Variants in POU2F1 observed in about 807,000 individuals in gnomAD.
POU2F1 encodes POU class 2 homeobox 1.
POU2F1 carries 16 observed loss-of-function variants against 84.9 expected under a neutral mutation model. The ratio of observed to expected loss-of-function variants is 0.19; its 90% CI spans 0.13 to 0.29. The LOEUF (loss-of-function observed/expected upper bound fraction) is 0.29. POU2F1 is among the 10% of genes least tolerant of loss of function. The pLI, the probability that POU2F1 is intolerant of heterozygous loss-of-function variation, is 1.00. For synonymous variants in POU2F1, 368 were observed against 368.3 expected (o/e 1.00, Z 0.01); for missense variants, 738 against 942.6 (o/e 0.78, Z 2.84).
chr1:167,284,264 A>G (rs1356889474), intron 1 of POU2F1, among the ~76,000 whole-genome samples: 1 of 152,212 alleles, frequency 6.6e-6, no homozygotes, highest in African/African-American at 2.4e-5. Flanking sequence ...GACCATAAAG[A>G]GTATTTACAC....
chr1:167,415,745 C>G lies in POU2F1; in HGVS notation c.2236C>G (p.Leu746Val), dbSNP rs756997483. Residue 746 changes from leucine (L) to valine (V), a missense_variant, in exon 16 of 16, where the codon CTC (leucine) becomes GTC (valine). Around this residue, in one of 4 missense-constraint regions of POU2F1, gnomAD observed 319 missense variants for 386.0 expected, o/e 0.83. Coordinates refer to ENST00000367866, the MANE Select transcript of POU2F1 (RefSeq NM_002697.4). ...CTCTGCTGAGTCCATCCAGAACTCT[C>G]TCTTCACAGTGGCCTCTGCCAGCGG... ...STSAESIQNSLFTVASASGAA... is the reference protein window; with the variant it reads ...STSAESIQNSVFTVASASGAA... The G allele has an allele frequency of 1.9e-6, 3 of 1,614,194 alleles. No homozygotes were observed. The highest frequency in any genetic ancestry group is 1.1e-5 in the South Asian group (1 of 91,090).
chr1:167,329,680 A>G (rs1656950572), intron 1 of POU2F1, among the ~76,000 whole-genome samples: 1 of 152,166 alleles, frequency 6.6e-6, no homozygotes, highest in African/African-American at 2.4e-5. Context: ...ATTAATAAAA[A>G]TGTTTTTCAT....
At chr1:167,378,259 G>A (rs1175229594) in intron 7 of POU2F1, among the ~76,000 whole-genome samples, 1 of 152,136 alleles carries the variant, frequency 6.6e-6, no homozygotes, top group Non-Finnish European at 1.5e-5. Context: ...TTAAGAGATG[G>A]AGTTTCACTC....
chr1:167,277,612 C>A (rs952566103), intron 1 of POU2F1, among the ~76,000 whole-genome samples: 2 of 152,122 alleles, frequency 1.3e-5, no homozygotes, highest in African/African-American at 2.4e-5. Flanking sequence ...ACCCCAGCCA[C>A]CTTTGTTGTC....
intron 1 of POU2F1, among the ~76,000 whole-genome samples, chr1:167,241,034 C>T (rs558952816): frequency 2.4e-4 from 36 of 152,104 alleles, no homozygotes; most frequent in Admixed American, 7.9e-4. Flanking sequence ...CCCAGCTACT[C>T]GGGAGGCTGA....
At chr1:167,238,543 A>T (rs1257924943) in intron 1 of POU2F1, among the ~76,000 whole-genome samples, 2 of 152,226 alleles carry the variant, frequency 1.3e-5, no homozygotes, top group African/African-American at 4.8e-5. Flanking sequence ...AACAAATTTC[A>T]GAATGCCCCT....
intron 1 of POU2F1, among the ~76,000 whole-genome samples, chr1:167,256,183 T>C (rs533334151): frequency 2.6e-5 from 4 of 152,226 alleles, no homozygotes; most frequent in South Asian, 4.1e-4. Context: ...CTACAACTTA[T>C]CTGGCCATCA....
chr1:167,271,612 A>C (rs763709161), intron 1 of POU2F1, among the ~76,000 whole-genome samples: 1 of 152,182 alleles, frequency 6.6e-6, no homozygotes, highest in Non-Finnish European at 1.5e-5. Flanking sequence ...AAAACATTCA[A>C]GCTGTGCCCT....
intron 2 of POU2F1, among the ~76,000 whole-genome samples, chr1:167,336,030 T>A (rs998970880): frequency 7.9e-5 from 12 of 152,150 alleles, no homozygotes; most frequent in African/African-American, 2.9e-4. Flanking sequence ...TGAAAAAAAT[T>A]AAAAGATATG....
chr1:167,333,479 A>G (rs1030876583), intron 2 of POU2F1, among the ~76,000 whole-genome samples: 12 of 152,144 alleles, frequency 7.9e-5, no homozygotes, highest in Non-Finnish European at 1.5e-4. Flanking sequence ...ATGCTTAACC[A>G]TGGGCAATGG....
chr1:167,377,154 T>A (rs773857348), intron 7 of POU2F1, among the ~76,000 whole-genome samples: 5 of 152,188 alleles, frequency 3.3e-5, no homozygotes, highest in Non-Finnish European at 5.9e-5. Context: ...GCAGAATAAG[T>A]TTGCATATGC....
chr1:167,325,612 C>T (rs531088732), intron 1 of POU2F1, among the ~76,000 whole-genome samples: 2 of 152,188 alleles, frequency 1.3e-5, no homozygotes, highest in African/African-American at 4.8e-5. Context: ...GTAGTGTCGG[C>T]TGGGCATGGT....
intron 1 of POU2F1, among the ~76,000 whole-genome samples, chr1:167,261,662 A>G (rs931400030): frequency 4.6e-5 from 7 of 152,154 alleles, no homozygotes; most frequent in Non-Finnish European, 8.8e-5. Flanking sequence ...GGAAATTCAT[A>G]TTCAATTTAG....
intron 4 of POU2F1, among the ~76,000 whole-genome samples, chr1:167,370,755 C>T (rs918201672): frequency 6.6e-6 from 1 of 152,150 alleles, no homozygotes; most frequent in African/African-American, 2.4e-5. Flanking sequence ...GCCAGGGTTC[C>T]TCTCCATCCT....
chr1:167,221,467 C>T (rs1648170458), intron 1 of POU2F1, among the ~76,000 whole-genome samples: 1 of 148,572 alleles, frequency 6.7e-6, no homozygotes, highest in Non-Finnish European at 1.5e-5. Flanking sequence ...ATGGAGGCGG[C>T]GGCGAGCACA....
rs370483562 is a variant in POU2F1, at chr1:167,380,076, C to T, written c.719-3781C>T. 19 of 152,126 alleles carry T rather than the reference C, an allele frequency of 1.2e-4. No homozygotes were observed. The South Asian group carries it at 3.5e-3, about 28-fold the overall frequency. The allele number at this position is 152,126 out of a possible 1,614,324, so 9.4% of individuals were successfully genotyped here. On this transcript the variant is annotated intron_variant, in intron 7 of 15. Transcript: ENST00000367866. The stretch of plus-strand genomic sequence containing the variant: ...CCCCTTCACTTACATGGGTGAATTA[C>T]AAAAAAAGTTTTACTACCCTAACAT...
At chr1:167,338,239 C>T (rs895279488) in intron 2 of POU2F1, 3 of 463,248 alleles carry the variant, frequency 6.5e-6, no homozygotes, top group African/African-American at 6.0e-5. Context: ...TTGTGATGAT[C>T]CACTTCCACT....
chr1:167,413,162 AGTGTGTGTGTGTGTGTGT>A (rs59744507), intron 15 of POU2F1, 48 bp downstream of exon 15: 1 of 1,030,622 alleles, frequency 9.7e-7, no homozygotes, highest in Non-Finnish European at 1.5e-6. Flanking sequence ...CGTGTGTGTG[AGTGTGTGTGTGTGTGTGT>A]GTGTGTGTGC....
At chr1:167,252,788 A>G (rs1231135140) in intron 1 of POU2F1, among the ~76,000 whole-genome samples, 1 of 152,216 alleles carries the variant, frequency 6.6e-6, no homozygotes, top group Non-Finnish European at 1.5e-5. Context: ...TGACTGTGAT[A>G]ACTTCTTGTT....
Sources: allele counts gnomAD v4.1 joint callset (sites outside exome capture counted in the v4.1 genomes callset), GRCh38; gene constraint gnomAD v4.1.1; regional missense constraint gnomAD v4.1.1; transcripts MANE v1.5; gene names NCBI Gene and HGNC (gene_info 2026-07-23, HGNC 2026-07-21).